ADPRHL1: variants seen among roughly 807,000 people sequenced by gnomAD.
ADPRHL1 encodes inactive ADP-ribosyltransferase ARH2.
A neutral mutation model predicts 44.1 loss-of-function variants in ADPRHL1; 43 were observed. The observed-to-expected ratio is 0.98, with a 90% confidence interval of 0.76 to 1.26. ADPRHL1 has a LOEUF of 1.26. Ranked by LOEUF, ADPRHL1 falls within the 50% of genes most tolerant of loss-of-function variation. The pLI, the probability that ADPRHL1 is intolerant of heterozygous loss-of-function variation, is 0.00. For missense variants in ADPRHL1, 2,022 were observed against 2,496.9 expected (o/e 0.81, Z 4.05); for synonymous variants, 878 against 1,017.4 (o/e 0.86, Z 2.61).
intron 1 of ADPRHL1, among the ~76,000 whole-genome samples, chr13:113,452,234 C>G (rs925116748): frequency 6.6e-6 from 1 of 152,282 alleles, no homozygotes; most frequent in South Asian, 2.1e-4. Context: ...AGCTCCTGGA[C>G]GCCAAGGCTG....
intron 4 of ADPRHL1, among the ~76,000 whole-genome samples, chr13:113,426,379 G>A (rs1191562564): frequency 1.3e-5 from 2 of 152,262 alleles, no homozygotes; most frequent in Non-Finnish European, 1.5e-5. Flanking sequence ...GCCGCTGGTG[G>A]CTGTCAGGCC....
At chr13:113,434,564 G>GCA (rs2044033912) in intron 2 of ADPRHL1, among the ~76,000 whole-genome samples, 1 of 141,944 alleles carries the variant, frequency 7.0e-6, no homozygotes. Context: ...GCACCCAGGT[G>GCA]TAGAGTGAAC....
rs150669028 is a variant in ADPRHL1 at position 113,402,579 on chromosome 13, A to T, written c.*799T>A. ...GGCACCAGTGGCACCACCCACAGGG[A>T]CTGCAGGGAAGGGCGGGCAGGCTCC... On this transcript the variant is annotated 3_prime_UTR_variant, in exon 8 of 8. Coordinates refer to ENST00000612156, the MANE Select transcript of ADPRHL1 (RefSeq NM_001394807.1). The T allele has an allele frequency of 7.4e-3, 1,135 of 152,812 alleles. 16 individuals carry two copies. The highest frequency in any genetic ancestry group is 0.025 in the African/African-American group (1,034 of 41,572). 9.5% of individuals were successfully genotyped at this position (152,812 alleles called of 1,614,324 possible).
At chr13:113,422,618 G>A (rs1025084012) in intron 7 of ADPRHL1, 2 of 686,186 alleles carry the variant, frequency 2.9e-6, no homozygotes, top group Non-Finnish European at 2.4e-6. Flanking sequence ...GATGGTGGAG[G>A]ACGGAAAATA....
chr13:113,429,112 G>GA lies in ADPRHL1; in HGVS notation c.506-21dup. The GA allele has an allele frequency of 1.2e-6, 2 of 1,602,590 alleles. No individual in the cohort carries two copies. The highest frequency in any genetic ancestry group is 2.2e-5 in the South Asian group (2 of 89,750). ...GGAAGCCTGGAGGGCAGGGAAGAGA[G>GA]AGGGGGCACCATCACCTGGGCCGCT... On this transcript the variant is annotated intron_variant, in intron 3 of 7. Transcript: ENST00000612156.
intron 1 of ADPRHL1, among the ~76,000 whole-genome samples, chr13:113,451,488 C>G (rs2044178990): frequency 6.6e-6 from 1 of 152,042 alleles, no homozygotes; most frequent in African/African-American, 2.4e-5. Context: ...GCTGAGGACC[C>G]TGAGAGCTTA....
intron 7 of ADPRHL1, among the ~76,000 whole-genome samples, chr13:113,411,044 G>T (rs1036552481): frequency 8.5e-5 from 13 of 152,214 alleles, no homozygotes; most frequent in Non-Finnish European, 4.4e-5. Flanking sequence ...GAACCATGCT[G>T]ACTGCTTGTG....
At chr13:113,452,202 C>T (rs372858716) in intron 1 of ADPRHL1, among the ~76,000 whole-genome samples, 5 of 152,144 alleles carry the variant, frequency 3.3e-5, no homozygotes, top group Admixed American at 6.5e-5. Flanking sequence ...CACGAGTGGC[C>T]GCCTGGAAAA....
intron 7 of ADPRHL1, among the ~76,000 whole-genome samples, chr13:113,418,657 T>C (rs1358217956): frequency 6.6e-6 from 1 of 152,158 alleles, no homozygotes; most frequent in Non-Finnish European, 1.5e-5. Context: ...AGGACACACA[T>C]GTCCTTTCTC....
intron 6 of ADPRHL1, among the ~76,000 whole-genome samples, chr13:113,423,936 G>A (rs965485403): frequency 6.6e-6 from 1 of 152,200 alleles, no homozygotes; most frequent in African/African-American, 2.4e-5. Context: ...CTCCAGGCTC[G>A]TGGACCAGGT....
At chr13:113,439,023 T>C (rs2044079782) in intron 2 of ADPRHL1, among the ~76,000 whole-genome samples, 1 of 152,218 alleles carries the variant, frequency 6.6e-6, no homozygotes, top group African/African-American at 2.4e-5. Context: ...TCTTCTTCAA[T>C]CTTTTGGAAG....
rs377520541 is a variant in ADPRHL1, at chr13:113,453,475, C to A, written c.-38G>T. On this transcript the variant is annotated 5_prime_UTR_variant, in exon 1 of 8. Coordinates refer to ENST00000612156, the MANE Select transcript of ADPRHL1 (RefSeq NM_001394807.1). The surrounding 1 kb of genome is among the most constrained non-coding windows in gnomAD (Gnocchi z 5.4). Reference sequence around the variant, plus strand: ...CTCCTCTTCCCCAACAGCTGCGGAGCGTCCTGGCCTTTGTCTCCTCCTCAG... The same window carrying A: ...CTCCTCTTCCCCAACAGCTGCGGAGAGTCCTGGCCTTTGTCTCCTCCTCAG... The A allele has an allele frequency of 6.2e-7, 1 of 1,603,188 alleles. No individual in the cohort carries two copies. The highest frequency in any genetic ancestry group is 8.5e-7 in the Non-Finnish European group (1 of 1,173,524).
At position 113,407,353 on chromosome 13, in the gene ADPRHL1, C is replaced by G; in HGVS notation, c.1929G>C (p.Ser643=). The G allele has an allele frequency of 8.1e-7, 1 of 1,232,006 alleles. No homozygotes were observed. Among genetic ancestry groups the G allele is most frequent in the East Asian group, 3.2e-5 (1 of 31,706 alleles). 76.3% of individuals were successfully genotyped at this position (1,232,006 alleles called of 1,614,324 possible). A position where few individuals can be genotyped will look rare whatever the true frequency, so the allele number is the denominator to read the frequency against. Residue 643 remains serine (S), a synonymous_variant, in exon 8 of 8, where the codon TCG becomes TCC. Coordinates refer to ENST00000612156, the MANE Select transcript of ADPRHL1 (RefSeq NM_001394807.1). ...CTCCTCTGGGTGGACGCCTTGCCTCCGAGTGGCTGATTTTGGTGCAGTGGG... is the reference window on the plus strand; with the variant it reads ...CTCCTCTGGGTGGACGCCTTGCCTCGGAGTGGCTGATTTTGGTGCAGTGGG... The part of the protein sequence containing the change: ...WLSHCTKISH[S]EARRPPRGEA...
chr13:113,428,604 G>A (rs529864391), intron 4 of ADPRHL1, among the ~76,000 whole-genome samples: 9 of 152,350 alleles, frequency 5.9e-5, no homozygotes, highest in African/African-American at 2.2e-4. Flanking sequence ...TTTTCCAGGG[G>A]GCACCACAGG....
intron 7 of ADPRHL1, among the ~76,000 whole-genome samples, chr13:113,410,406 T>C (rs2139600453): frequency 6.6e-6 from 1 of 152,294 alleles, no homozygotes; most frequent in South Asian, 2.1e-4. Context: ...CCGAGGCCGC[T>C]GGTCCGGGGA....
chr13:113,420,820 C>T (rs66527945), intron 7 of ADPRHL1, among the ~76,000 whole-genome samples: 10,138 of 151,732 alleles, frequency 0.067, 420 homozygotes, highest in African/African-American at 0.084. Context: ...AAAAGCAAAG[C>T]GTGTCCCTAT....
intron 1 of ADPRHL1, among the ~76,000 whole-genome samples, chr13:113,445,529 C>T (rs2044130236): frequency 6.6e-6 from 1 of 152,250 alleles, no homozygotes; most frequent in Non-Finnish European, 1.5e-5. Context: ...TGTACTAAAA[C>T]TGCACTCTGG....
intron 7 of ADPRHL1, among the ~76,000 whole-genome samples, chr13:113,414,604 C>G (rs374418239): frequency 3.3e-5 from 5 of 152,098 alleles, no homozygotes; most frequent in African/African-American, 9.7e-5. Flanking sequence ...GGTGCCAATG[C>G]TCCTCTTCCA....
At chr13:113,434,010 G>T in intron 2 of ADPRHL1, 143 bp from the exon 3 acceptor site, 1 of 1,268,186 alleles carries the variant, frequency 7.9e-7, no homozygotes, top group African/African-American at 1.6e-5. Flanking sequence ...AGCGAGCCAT[G>T]GGCAGGCCAC....
Sources: gnomAD v4.1 joint callset for allele counts (sites outside exome capture counted in the v4.1 genomes callset) on GRCh38, gnomAD v4.1.1 for gene constraint, Gnocchi (gnomAD v3.1) non-coding constraint, MANE v1.5 for transcripts, NCBI Gene and HGNC (gene_info 2026-07-23, HGNC 2026-07-21) for gene names.